NFIL3: variants seen among roughly 807,000 people sequenced by gnomAD.
NFIL3 encodes nuclear factor, interleukin 3 regulated.
A neutral mutation model predicts 10.0 loss-of-function variants in NFIL3; 5 were observed. That is an observed-to-expected ratio of 0.50 (90% CI 0.26 to 1.06). The LOEUF (loss-of-function observed/expected upper bound fraction) is 1.06, where lower values mean the gene tolerates loss of function less well. Among genes scored for constraint, NFIL3 ranks in the 50% least tolerant of loss-of-function variants. NFIL3 has a pLI of 0.13. For synonymous variants in NFIL3, 202 were observed against 206.5 expected (o/e 0.98, Z 0.19); for missense variants, 436 against 547.6 (o/e 0.80, Z 2.03).
chr9:91,471,486 CTTTT>C, the NFIL3 span, among the ~76,000 whole-genome samples: 1 of 132,080 alleles, frequency 7.6e-6, no homozygotes, highest in South Asian at 2.4e-4. Context: ...CAGTCTGTGT[CTTTT>C]TTTTTTTTTT....
upstream of NFIL3, among the ~76,000 whole-genome samples, chr9:91,424,432 C>CG (rs1833842107): frequency 2.0e-5 from 3 of 152,280 alleles, no homozygotes; most frequent in South Asian, 6.2e-4. Context: ...GGAGGGAAGG[C>CG]GGGGGGTGGC....
At position 91,410,838 on chromosome 9, in the gene NFIL3, C is replaced by T. The variant is rs1833534453; in HGVS notation, c.-104G>A. 2 of 1,244,404 alleles carry T rather than the reference C, an allele frequency of 1.6e-6. No individual in the cohort carries two copies. Among genetic ancestry groups the T allele is most frequent in the South Asian group, 1.7e-5 (1 of 60,530 alleles). The allele number at this position is 1,244,404 out of a possible 1,614,324, so 77.1% of individuals were successfully genotyped here. ...GGTTTAAAATCCATCAATATTCTTC[C>T]TTTTGTTCTACCGTCTGGGATAAAT... On this transcript the variant is annotated 5_prime_UTR_variant, in exon 2 of 2. Coordinates refer to ENST00000297689, the MANE Select transcript of NFIL3 (RefSeq NM_005384.3). This position sits in a 1 kb window ranked among gnomAD's most constrained non-coding sequence, Gnocchi z 5.7.
the NFIL3 span, among the ~76,000 whole-genome samples, chr9:91,442,812 G>A: frequency 2.6e-5 from 4 of 152,230 alleles, no homozygotes; most frequent in South Asian, 8.3e-4. Flanking sequence ...CTGGCTCTGG[G>A]AGCCCCTAGG....
the NFIL3 span, among the ~76,000 whole-genome samples, chr9:91,448,461 C>T: frequency 6.6e-6 from 1 of 152,138 alleles, no homozygotes; most frequent in African/African-American, 2.4e-5. Context: ...GGAACTAATC[C>T]AATCCTGTGA....
chr9:91,442,331 A>T, the NFIL3 span, among the ~76,000 whole-genome samples: 1 of 152,154 alleles, frequency 6.6e-6, no homozygotes, highest in African/African-American at 2.4e-5. Context: ...GAATGCTGTT[A>T]TACATGGCAC....
At chr9:91,468,388 GT>G in the NFIL3 span, among the ~76,000 whole-genome samples, 1 of 152,028 alleles carries the variant, frequency 6.6e-6, no homozygotes, top group African/African-American at 2.4e-5. Flanking sequence ...GGGGTTGTTT[GT>G]TTTTTTCTTG....
chr9:91,450,399 G>C, the NFIL3 span, among the ~76,000 whole-genome samples: 1 of 152,136 alleles, frequency 6.6e-6, no homozygotes, highest in South Asian at 2.1e-4. Flanking sequence ...TGGTATACTA[G>C]TTTGGTTTTC....
At chr9:91,471,173 C>G in the NFIL3 span, among the ~76,000 whole-genome samples, 1 of 152,252 alleles carries the variant, frequency 6.6e-6, no homozygotes, top group Admixed American at 6.5e-5. Flanking sequence ...TTGTCGGTCT[C>G]TAAGGACTTG....
the NFIL3 span, among the ~76,000 whole-genome samples, chr9:91,457,425 A>G: frequency 1.3e-5 from 2 of 152,004 alleles, no homozygotes; most frequent in Non-Finnish European, 2.9e-5. Flanking sequence ...TCTCAGCAAT[A>G]TCTTATAGTT....
At chr9:91,439,279 G>A in the NFIL3 span, among the ~76,000 whole-genome samples, 105 of 152,066 alleles carry the variant, frequency 6.9e-4, no homozygotes, top group African/African-American at 2.4e-3. Context: ...ACTGTAAATG[G>A]GACTGTTTTC....
At chr9:91,446,928 G>A in the NFIL3 span, among the ~76,000 whole-genome samples, 5 of 152,088 alleles carry the variant, frequency 3.3e-5, no homozygotes, top group African/African-American at 1.2e-4. Flanking sequence ...TGATTCTCCT[G>A]CCTCAGCCTC....
chr9:91,452,719 G>A, the NFIL3 span, among the ~76,000 whole-genome samples: 1,046 of 149,090 alleles, frequency 7.0e-3, 18 homozygotes, highest in African/African-American at 0.025. Context: ...CTCGGGAGGC[G>A]GAGGTTGCAG....
chr9:91,436,447 G>C, the NFIL3 span, among the ~76,000 whole-genome samples: 1 of 124,684 alleles, frequency 8.0e-6, no homozygotes, highest in Non-Finnish European at 1.7e-5. Context: ...GCGTGGTGGC[G>C]GGCACCTTTA....
chr9:91,475,593 A>G, the NFIL3 span, among the ~76,000 whole-genome samples: 4 of 152,172 alleles, frequency 2.6e-5, no homozygotes, highest in Admixed American at 2.6e-4. Context: ...AGAAGATGCT[A>G]AAAAAAGATT....
the NFIL3 span, among the ~76,000 whole-genome samples, chr9:91,454,819 A>C: frequency 6.6e-6 from 1 of 152,216 alleles, no homozygotes; most frequent in Non-Finnish European, 1.5e-5. Flanking sequence ...GAGACAGAGT[A>C]AGACTCCATC....
the NFIL3 span, among the ~76,000 whole-genome samples, chr9:91,434,380 G>A: frequency 6.6e-6 from 1 of 152,152 alleles, no homozygotes; most frequent in African/African-American, 2.4e-5. Context: ...GATGCTAAGT[G>A]TCTACTAACC....
the NFIL3 span, among the ~76,000 whole-genome samples, chr9:91,454,991 A>T: frequency 3.3e-5 from 5 of 152,228 alleles, no homozygotes; most frequent in Admixed American, 2.0e-4. Context: ...ATCATGGTGA[A>T]CACAGTCTGC....
At chr9:91,446,349 T>C in the NFIL3 span, among the ~76,000 whole-genome samples, 1 of 152,234 alleles carries the variant, frequency 6.6e-6, no homozygotes, top group Admixed American at 6.5e-5. Context: ...GCTCCTTTTC[T>C]CTTCTCTAGT....
intron 1 of NFIL3, among the ~76,000 whole-genome samples, chr9:91,411,534 T>A (rs1833547638): frequency 6.6e-6 from 1 of 152,216 alleles, no homozygotes; most frequent in African/African-American, 2.4e-5. Flanking sequence ...AACGTGGACA[T>A]AAACCTGCCC....
Sources: gnomAD v4.1 joint callset for allele counts (sites outside exome capture counted in the v4.1 genomes callset) on GRCh38, gnomAD v4.1.1 for gene constraint, Gnocchi (gnomAD v3.1) non-coding constraint, MANE v1.5 for transcripts, NCBI Gene and HGNC (gene_info 2026-07-23, HGNC 2026-07-21) for gene names.